The following CNTNAP3B variants were observed in gnomAD, a reference collection of about 807,000 sequenced individuals.
The protein encoded by CNTNAP3B is contactin-associated protein-like 3B.
CNTNAP3B carries 25 observed loss-of-function variants against 108.9 expected under a neutral mutation model. That is an observed-to-expected ratio of 0.23 (90% CI 0.17 to 0.32). CNTNAP3B has a LOEUF of 0.32. Among genes scored for constraint, CNTNAP3B ranks in the 10% least tolerant of loss-of-function variants. CNTNAP3B has a pLI of 1.00. For synonymous variants in CNTNAP3B, 103 were observed against 473.4 expected (o/e 0.22, Z 10.16); for missense variants, 252 against 1,210.4 (o/e 0.21, Z 11.75).
intron 2 of CNTNAP3B, among the ~76,000 whole-genome samples, chr9:42,080,529 G>A (rs1166018191): frequency 7.3e-6 from 1 of 137,262 alleles, no homozygotes; most frequent in Non-Finnish European, 1.5e-5. Flanking sequence ...GTGTGCCTTT[G>A]TTAAAGGCAG....
At chr9:41,967,955 G>A (rs542959953) in intron 10 of CNTNAP3B, among the ~76,000 whole-genome samples, 162 of 152,332 alleles carry the variant, frequency 1.1e-3, no homozygotes, top group African/African-American at 3.8e-3. Flanking sequence ...AAGTAACTTT[G>A]GGGTACAATT....
chr9:41,928,107 A>AAC (rs1823869974), intron 15 of CNTNAP3B, among the ~76,000 whole-genome samples: 2 of 152,280 alleles, frequency 1.3e-5, no homozygotes, highest in African/African-American at 4.8e-5. Context: ...ATTGAAGGAT[A>AAC]ACATATCTGT....
intron 11 of CNTNAP3B, among the ~76,000 whole-genome samples, chr9:41,963,283 C>T (rs1207353844): frequency 2.0e-5 from 3 of 152,160 alleles, no homozygotes; most frequent in African/African-American, 7.2e-5. Flanking sequence ...ATCTCTGTTT[C>T]CTTGAAGACC....
At chr9:41,936,216 G>A (rs1254063942) in intron 14 of CNTNAP3B, among the ~76,000 whole-genome samples, 1 of 152,274 alleles carries the variant, frequency 6.6e-6, no homozygotes, top group African/African-American at 2.4e-5. Flanking sequence ...GGCGCAGGTT[G>A]CAGTGAGCTG....
intron 3 of CNTNAP3B, among the ~76,000 whole-genome samples, chr9:42,068,261 T>TC (rs1245548359): frequency 3.3e-5 from 2 of 60,302 alleles, no homozygotes; most frequent in Non-Finnish European, 6.2e-5. Context: ...ACTGACAGGG[T>TC]CCCCTTTGGG....
intron 9 of CNTNAP3B, among the ~76,000 whole-genome samples, chr9:41,981,940 G>C (rs1244870663): frequency 1.7e-5 from 1 of 58,726 alleles, no homozygotes; most frequent in Admixed American, 2.2e-4. Context: ...GTGGTGGCAC[G>C]TGCCTGTAGT....
At chr9:42,088,632 C>T (rs913078520) in intron 2 of CNTNAP3B, among the ~76,000 whole-genome samples, 1 of 138,320 alleles carries the variant, frequency 7.2e-6, no homozygotes, top group Non-Finnish European at 1.5e-5. Flanking sequence ...CTGAATCATT[C>T]AACATTTGTA....
At chr9:41,995,646 G>A (rs1436504695) in intron 7 of CNTNAP3B, among the ~76,000 whole-genome samples, 1 of 126,486 alleles carries the variant, frequency 7.9e-6, no homozygotes, top group African/African-American at 3.3e-5. Context: ...CGGGAGAATG[G>A]CGTGAACCCA....
intron 13 of CNTNAP3B, among the ~76,000 whole-genome samples, chr9:41,942,517 G>A (rs1425714857): frequency 1.1e-4 from 16 of 151,462 alleles, no homozygotes; most frequent in South Asian, 4.2e-4. Context: ...AGGCTGAGGC[G>A]GGAGAATGGC....
intron 14 of CNTNAP3B, among the ~76,000 whole-genome samples, chr9:41,932,517 CTTCTT>C (rs1223060122): frequency 1.6e-5 from 2 of 124,862 alleles, no homozygotes; most frequent in Admixed American, 8.0e-5. Flanking sequence ...ACTTTTTTTT[CTTCTT>C]TTTTTTTTTT....
intron 3 of CNTNAP3B, among the ~76,000 whole-genome samples, chr9:42,026,817 G>A (rs1826419718): frequency 7.3e-6 from 1 of 137,118 alleles, no homozygotes; most frequent in African/African-American, 2.9e-5. Flanking sequence ...CAAATTTGTA[G>A]TAAGGTTTTG....
chr9:42,035,501 C>T (rs1484137587), intron 3 of CNTNAP3B, among the ~76,000 whole-genome samples: 4 of 146,632 alleles, frequency 2.7e-5, no homozygotes, highest in African/African-American at 1.0e-4. Flanking sequence ...GAACCACTCA[C>T]TAAAGGTGGG....
Position 42,088,400 on chromosome 9 carries a change from A to T in CNTNAP3B, c.197-11338T>A, listed in dbSNP as rs1004977046. Among the ~76,000 whole-genome samples the T allele has an allele frequency of 3.6e-5, 5 of 138,718 alleles. 1 individual carries two copies. The highest frequency in any genetic ancestry group is 1.4e-4 in the African/African-American group (5 of 34,892). The allele number at this position is 138,718 out of a possible 152,430, so 91.0% of individuals were successfully genotyped here. A position where few individuals can be genotyped will look rare whatever the true frequency, so the allele number is the denominator to read the frequency against. On this transcript the variant is annotated intron_variant, in intron 2 of 23. Coordinates refer to ENST00000377561, the MANE Select transcript of CNTNAP3B (RefSeq NM_001201380.3). ...CAAATATTTCTTGTTCTCATGTCTA[A>T]TCTATATTAACATCCTTATGAATAT... is the stretch of plus-strand genomic sequence containing the variant.
At chr9:41,954,703 G>C (rs1324343813) in intron 12 of CNTNAP3B, among the ~76,000 whole-genome samples, 2 of 152,176 alleles carry the variant, frequency 1.3e-5, no homozygotes, top group Non-Finnish European at 2.9e-5. Context: ...TTATTTTTGA[G>C]ATAAGAGTCT....
intron 14 of CNTNAP3B, among the ~76,000 whole-genome samples, chr9:41,933,550 C>T (rs1211123612): frequency 2.0e-5 from 3 of 152,292 alleles, no homozygotes; most frequent in African/African-American, 7.2e-5. Context: ...TAAAATTTTT[C>T]TAGGTGTGTA....
chr9:41,952,143 G>T (rs1444724677), intron 13 of CNTNAP3B, among the ~76,000 whole-genome samples: 3 of 152,270 alleles, frequency 2.0e-5, no homozygotes, highest in Non-Finnish European at 4.4e-5. Context: ...GGCAATGCAG[G>T]TATGGGTTAG....
At chr9:41,961,762 G>T (rs1183037771) in intron 11 of CNTNAP3B, among the ~76,000 whole-genome samples, 5 of 152,294 alleles carry the variant, frequency 3.3e-5, no homozygotes, top group African/African-American at 4.8e-5. Context: ...AAACAGGAGA[G>T]AAACTTTTTT....
At chr9:42,020,552 A>T (rs1222970576) in intron 3 of CNTNAP3B, among the ~76,000 whole-genome samples, 2 of 144,346 alleles carry the variant, frequency 1.4e-5, no homozygotes, top group Non-Finnish European at 3.0e-5. Context: ...CTGGTTTCTC[A>T]GAGACTTTCA....
At chr9:42,115,372 C>G (rs1564199022) in intron 1 of CNTNAP3B, among the ~76,000 whole-genome samples, 1 of 134,240 alleles carries the variant, frequency 7.4e-6, no homozygotes, top group African/African-American at 3.0e-5. Context: ...TAGTGGTTCT[C>G]CCAGCATGGA....
Sources: allele counts gnomAD v4.1 joint callset (sites outside exome capture counted in the v4.1 genomes callset), GRCh38; gene constraint gnomAD v4.1.1; transcripts MANE v1.5; gene names NCBI Gene and HGNC (gene_info 2026-07-23, HGNC 2026-07-21).